The following RXFP2 variants were observed in gnomAD, a reference collection of about 807,000 sequenced individuals.
RXFP2 encodes relaxin receptor 2.
RXFP2 carries 68 observed loss-of-function variants against 88.6 expected under a neutral mutation model. That is an observed-to-expected ratio of 0.77 (90% confidence interval 0.63 to 0.94). The LOEUF is 0.94. Among genes scored for constraint, RXFP2 ranks in the 40% least tolerant of loss-of-function variants. RXFP2 has a pLI of 0.00. For missense variants in RXFP2, 791 were observed against 893.9 expected (o/e 0.88, Z 1.47); for synonymous variants, 329 against 306.8 (o/e 1.07, Z -0.76).
In RXFP2 at chr13:31,801,705, AG is replaced by A. The variant is rs202149731; in HGVS notation, c.2006-438del. On this transcript the variant is annotated intron_variant, in intron 17 of 17. Transcript: ENST00000298386. ...AACAGGATAACCAGAACACCAGGGC[AG>A]GGCAATAAGCTTTGAGAACTGGATG... Among the ~76,000 whole-genome samples the A allele has an allele frequency of 4.4e-3, 673 of 152,314 alleles. 4 individuals carry two copies. Among genetic ancestry groups the A allele is most frequent in the African/African-American group, 0.016 (659 of 41,578 alleles).
Position 31,765,020 on chromosome 13 carries a change from T to C in RXFP2, c.320-17T>C. Reference sequence around the variant, plus strand: ...TATTTGTTTACTAGTGAAATCTTACTCTTTTTGTCCCATTAGTTCTAAAAC... The same window carrying C: ...TATTTGTTTACTAGTGAAATCTTACCCTTTTTGTCCCATTAGTTCTAAAAC... On this transcript the variant is annotated splice_polypyrimidine_tract_variant and intron_variant, in intron 3 of 17. Transcript: ENST00000298386. 2 of 1,358,596 alleles carry C rather than the reference T, an allele frequency of 1.5e-6. No homozygotes were observed. Among genetic ancestry groups the C allele is most frequent in the Non-Finnish European group, 2.1e-6 (2 of 947,670 alleles). 84.2% of individuals were successfully genotyped at this position (1,358,596 alleles called of 1,614,324 possible). A position where few individuals can be genotyped will look rare whatever the true frequency, so the allele number is the denominator to read the frequency against.
At chr13:31,745,232 G>A (rs1871361819) in intron 1 of RXFP2, among the ~76,000 whole-genome samples, 1 of 151,290 alleles carries the variant, frequency 6.6e-6, no homozygotes, top group South Asian at 2.1e-4. Flanking sequence ...GCGGAGCCCT[G>A]GACATTTTCA....
intron 11 of RXFP2, among the ~76,000 whole-genome samples, chr13:31,783,597 A>T (rs1159429343): frequency 2.6e-5 from 4 of 152,212 alleles, no homozygotes; most frequent in Non-Finnish European, 5.9e-5. Context: ...TCAAATCCAC[A>T]CATATTTATG....
chr13:31,788,548 G>A (rs1415980470), intron 13 of RXFP2, among the ~76,000 whole-genome samples: 2 of 151,828 alleles, frequency 1.3e-5, no homozygotes, highest in East Asian at 1.9e-4. Flanking sequence ...CATTTTATGG[G>A]GCCTGAAGGA....
At chr13:31,752,127 A>C (rs1871698159) in intron 1 of RXFP2, among the ~76,000 whole-genome samples, 1 of 152,186 alleles carries the variant, frequency 6.6e-6, no homozygotes, top group Admixed American at 6.5e-5. Context: ...GGTAAGGATG[A>C]GGTTGGCAGT....
At chr13:31,759,412 AG>A (rs916282856) in intron 2 of RXFP2, among the ~76,000 whole-genome samples, 1 of 150,616 alleles carries the variant, frequency 6.6e-6, no homozygotes, top group Non-Finnish European at 1.5e-5. Context: ...AAAGAAAGAA[AG>A]AAAGAAAGAA....
At chr13:31,782,947 C>T (rs943315130) in intron 11 of RXFP2, among the ~76,000 whole-genome samples, 200 bp downstream of exon 11, 1 of 152,142 alleles carries the variant, frequency 6.6e-6, no homozygotes, top group African/African-American at 2.4e-5. Context: ...ATGGATTTAA[C>T]CTACCCTAGT....
chr13:31,758,386 G>A lies in RXFP2; in HGVS notation c.223G>A (p.Ala75Thr), dbSNP rs1320632044. Reference protein sequence around the residue: ...CDGKDDCGNGADEENCGDTSG... With the variant: ...CDGKDDCGNGTDEENCGDTSG... ...TGGCAAGGATGACTGTGGGAACGGG[G>A]CGGACGAAGAGAACTGTGGTGAGTG... Residue 75 changes from alanine to threonine, a missense_variant, in exon 2 of 18, where the codon GCG (alanine) becomes ACG (threonine). Coordinates refer to ENST00000298386, the MANE Select transcript of RXFP2 (RefSeq NM_130806.5). The A allele has an allele frequency of 1.2e-6, 2 of 1,614,104 alleles. No individual in the cohort carries two copies. Among genetic ancestry groups the A allele is most frequent in the East Asian group, 2.2e-5 (1 of 44,850 alleles).
In RXFP2 at chr13:31,766,879, T is replaced by C. The variant is rs147812061; in HGVS notation, c.497+852T>C. On this transcript the variant is annotated intron_variant, in intron 5 of 17. Coordinates refer to ENST00000298386, the MANE Select transcript of RXFP2 (RefSeq NM_130806.5). Reference sequence around the variant, plus strand: ...ATCAGTCATTTGTAAGTTGGATCAATATCTGTCAATCCCTCTGGGCCAGTT... The same window carrying C: ...ATCAGTCATTTGTAAGTTGGATCAACATCTGTCAATCCCTCTGGGCCAGTT... 7.1e-3 allele frequency among the ~76,000 whole-genome samples: 1,078 copies of C among 152,290 alleles called. 14 individuals are homozygous for C. The highest frequency in any genetic ancestry group is 0.025 in the African/African-American group (1,035 of 41,554).
At chr13:31,785,445 C>T (rs898340072) in intron 11 of RXFP2, among the ~76,000 whole-genome samples, 1 of 152,044 alleles carries the variant, frequency 6.6e-6, no homozygotes, top group Non-Finnish European at 1.5e-5. Flanking sequence ...CACCTAAAAT[C>T]ATCAAGCTTT....
Position 31,797,960 on chromosome 13 carries a change from C to G in RXFP2, c.2005+541C>G, listed in dbSNP as rs536828565. Among the ~76,000 whole-genome samples the G allele has an allele frequency of 1.5e-4, 23 of 152,294 alleles. No homozygotes were observed. In the South Asian group the frequency reaches 4.8e-3, roughly 32 times the overall value. On this transcript the variant is annotated intron_variant, in intron 17 of 17. Transcript: ENST00000298386. Reference sequence around the variant, plus strand: ...CTTCAACCAGAGAAAATCACCTTTCCTTAGCAGAATTTCATCTGAAGCCCC... The same window carrying G: ...CTTCAACCAGAGAAAATCACCTTTCGTTAGCAGAATTTCATCTGAAGCCCC...
chr13:31,763,642 G>T (rs567786570), intron 3 of RXFP2, among the ~76,000 whole-genome samples: 1 of 152,280 alleles, frequency 6.6e-6, no homozygotes, highest in South Asian at 2.1e-4. Context: ...TGCAAAAGGA[G>T]TTTCAGAAAA....
chr13:31,749,547 T>C (rs9603629), intron 1 of RXFP2, among the ~76,000 whole-genome samples: 52,212 of 152,088 alleles, frequency 0.34, 10,068 homozygotes, highest in Admixed American at 0.45. Context: ...ATCTTTAAAA[T>C]ATTGTCCTCC....
chr13:31,776,140 T>TTCTC (rs1156289271), intron 7 of RXFP2, among the ~76,000 whole-genome samples: 1 of 142,586 alleles, frequency 7.0e-6, no homozygotes, highest in Non-Finnish European at 1.6e-5. Flanking sequence ...CTTTCTTTCT[T>TTCTC]TCTCTTTCTC....
intron 6 of RXFP2, 115 bp downstream of exon 6, chr13:31,774,806 C>T (rs1872871375): frequency 1.4e-6 from 1 of 722,102 alleles, no homozygotes; most frequent in Non-Finnish European, 2.5e-6. Flanking sequence ...AATAGGTTAT[C>T]ACAAAGTACT....
intron 1 of RXFP2, among the ~76,000 whole-genome samples, chr13:31,743,928 G>A (rs1871308897): frequency 6.6e-6 from 1 of 152,020 alleles, no homozygotes; most frequent in Non-Finnish European, 1.5e-5. Context: ...GGTCACATCT[G>A]GCTTTTCATT....
At chr13:31,791,067 C>A (rs1056611123) in intron 14 of RXFP2, among the ~76,000 whole-genome samples, 1 of 152,114 alleles carries the variant, frequency 6.6e-6, no homozygotes, top group Non-Finnish European at 1.5e-5. Flanking sequence ...AAAGAAGTAG[C>A]AAACGAATAA....
At chr13:31,759,609 C>T (rs1872202514) in intron 2 of RXFP2, among the ~76,000 whole-genome samples, 1 of 151,912 alleles carries the variant, frequency 6.6e-6, no homozygotes, top group Non-Finnish European at 1.5e-5. Flanking sequence ...AGACCAGATC[C>T]CAGAGCATCT....
intron 13 of RXFP2, among the ~76,000 whole-genome samples, chr13:31,788,421 A>G (rs1313899455): frequency 6.6e-6 from 1 of 152,196 alleles, no homozygotes; most frequent in Non-Finnish European, 1.5e-5. Context: ...CTTCCTAAGA[A>G]CATGGCAGCT....
Sources: gnomAD v4.1 joint callset for allele counts (sites outside exome capture counted in the v4.1 genomes callset) on GRCh38, gnomAD v4.1.1 for gene constraint, MANE v1.5 for transcripts, NCBI Gene and HGNC (gene_info 2026-07-23, HGNC 2026-07-21) for gene names.